ITIH3: variants seen among roughly 807,000 people sequenced by gnomAD.
ITIH3 encodes the protein inter-alpha-trypsin inhibitor heavy chain H3.
ITIH3 carries 81 observed loss-of-function variants against 96.5 expected under a neutral mutation model. The ratio of observed to expected loss-of-function variants is 0.84; its 90% CI spans 0.70 to 1.01. ITIH3 has a LOEUF of 1.01. Among genes scored for constraint, ITIH3 ranks in the 50% least tolerant of loss-of-function variants. The pLI is 0.00. For missense variants in ITIH3, 1,057 were observed against 1,139.3 expected, an observed-to-expected ratio of 0.93 and a Z score of 1.04; for synonymous variants, 422 against 445.2, an observed-to-expected ratio of 0.95 and a Z score of 0.66.
At position 52,799,923 on chromosome 3, in the gene ITIH3, T is replaced by C; in HGVS notation, c.1075+2T>C. On this transcript the variant is annotated splice_donor_variant, in intron 9 of 21. Coordinates refer to ENST00000449956, the MANE Select transcript of ITIH3 (RefSeq NM_002217.4). LOFTEE classifies it high-confidence loss of function. The stretch of plus-strand genomic sequence containing the variant: ...TGAAGAGCATGGAGGATAAAGGAAG[T>C]AAGAGCGGAGCTGGAGCCCACACAC... 6.2e-7 allele frequency: 1 copy of C among 1,612,990 alleles called. No homozygotes were observed. Among genetic ancestry groups the C allele is most frequent in the Non-Finnish European group, 8.5e-7 (1 of 1,179,492 alleles).
At chr3:52,800,728 A>G in intron 10 of ITIH3, 65 bp downstream of exon 10, 4 of 1,567,784 alleles carry the variant, frequency 2.6e-6, no homozygotes, top group Non-Finnish European at 3.5e-6. Context: ...CTGGCTCTGT[A>G]GCTGGCTCAT....
intron 15 of ITIH3, 135 bp from the exon 16 acceptor site, chr3:52,805,673 T>C: frequency 6.6e-7 from 1 of 1,511,540 alleles, no homozygotes; most frequent in South Asian, 1.3e-5. Flanking sequence ...CTAATCTTTG[T>C]AGTCACATCT....
intron 14 of ITIH3, 134 bp from the exon 15 acceptor site, chr3:52,804,592 G>T: frequency 1.1e-6 from 1 of 879,490 alleles, no homozygotes; most frequent in Non-Finnish European, 1.8e-6. Flanking sequence ...GGGACACCCA[G>T]TGGGGGAAGA....
In ITIH3 at chr3:52,799,285, G is replaced by A. The variant is rs561624249; in HGVS notation, c.790-87G>A. Reference sequence around the variant, plus strand: ...GATAGGAACGTCTTTTTCTTGGGCTGGTAAATGTCTGGCTTCTACCTGCAA... The same window carrying A: ...GATAGGAACGTCTTTTTCTTGGGCTAGTAAATGTCTGGCTTCTACCTGCAA... On this transcript the variant is annotated intron_variant, in intron 7 of 21. Transcript: ENST00000449956. 4.1e-6 allele frequency: 5 copies of A among 1,220,286 alleles called. No individual in the cohort carries two copies. In the African/African-American group the frequency reaches 7.6e-5, roughly 18 times the overall value. The allele number at this position is 1,220,286 out of a possible 1,614,324, so 75.6% of individuals were successfully genotyped here.
At chr3:52,802,005 C>CT (rs34200623) in intron 11 of ITIH3, among the ~76,000 whole-genome samples, 18,561 of 152,140 alleles carry the variant, frequency 0.12, 3,415 homozygotes, top group African/African-American at 0.4. Flanking sequence ...ATCTGCCTCT[C>CT]TTACTTCCTT....
chr3:52,807,739 T>A lies in ITIH3; in HGVS notation c.2262-8T>A. 6.2e-7 allele frequency: 1 copy of A among 1,605,458 alleles called. No homozygotes were observed. Among genetic ancestry groups the A allele is most frequent in the Non-Finnish European group, 8.5e-7 (1 of 1,175,906 alleles). On this transcript the variant is annotated splice_region_variant and splice_polypyrimidine_tract_variant and intron_variant, in intron 19 of 21. Coordinates refer to ENST00000449956, the MANE Select transcript of ITIH3 (RefSeq NM_002217.4). ...GCCCCACAGCCACTTTCTGGCTTCCTCTCGTAGGCTGTCCATGATGATCAA... is the reference window on the plus strand; with the variant it reads ...GCCCCACAGCCACTTTCTGGCTTCCACTCGTAGGCTGTCCATGATGATCAA...
chr3:52,807,998 G>T, intron 20 of ITIH3, 82 bp downstream of exon 20: 1 of 1,574,696 alleles, frequency 6.4e-7, no homozygotes, highest in Non-Finnish European at 8.7e-7. Flanking sequence ...TAGGCACCCT[G>T]TACCCAGCTC....
chr3:52,807,247 C>A, intron 19 of ITIH3, 142 bp downstream of exon 19: 1 of 787,330 alleles, frequency 1.3e-6, no homozygotes, highest in Non-Finnish European at 2.0e-6. Flanking sequence ...AGTCTCCTGT[C>A]ACAGGGGAGG....
chr3:52,807,113 C>A lies in ITIH3; in HGVS notation c.2261+8C>A. 2 of 1,579,666 alleles carry A rather than the reference C, an allele frequency of 1.3e-6. No homozygotes were observed. The highest frequency in any genetic ancestry group is 1.2e-5 in the South Asian group (1 of 85,934). ...CACAGTCACGCAGGATGGGTAAGCT[C>A]CCCTACAAGGTCTCCAAGGTGGACT... On this transcript the variant is annotated splice_region_variant and intron_variant, in intron 19 of 21. Transcript: ENST00000449956.
chr3:52,795,034 G>A lies in ITIH3; in HGVS notation c.93+138G>A, dbSNP rs1221400319. The A allele has an allele frequency of 1.7e-5, 12 of 714,364 alleles. No individual in the cohort carries two copies. In the East Asian group the frequency reaches 3.1e-4, roughly 19 times the overall value. The allele number at this position is 714,364 out of a possible 1,614,324, so 44.3% of individuals were successfully genotyped here. On this transcript the variant is annotated intron_variant, in intron 1 of 21. Transcript: ENST00000449956. ...GCTGCTGGGAGTAGTGTGGACACTGGGAGAACCGGGCTCCAGCTGAGGCCT... is the reference window on the plus strand; with the variant it reads ...GCTGCTGGGAGTAGTGTGGACACTGAGAGAACCGGGCTCCAGCTGAGGCCT...
intron 11 of ITIH3, among the ~76,000 whole-genome samples, chr3:52,801,452 T>C (rs2710335): frequency 0.12 from 18,572 of 152,228 alleles, 3,408 homozygotes; most frequent in African/African-American, 0.4. Flanking sequence ...TATTAGTGTA[T>C]GGCGGCTGCC....
At position 52,799,500 on chromosome 3, in the gene ITIH3, C is replaced by T. The variant is rs757217846; in HGVS notation, c.906+12C>T. 3 of 1,575,620 alleles carry T rather than the reference C, an allele frequency of 1.9e-6. No homozygotes were observed. Among genetic ancestry groups the T allele is most frequent in the South Asian group, 1.2e-5 (1 of 86,644 alleles). ...GGAAATTAGAGCAGGTAATCAGCAC[C>T]AGTGGCACAGCCAGGGCTCGGGGTA... On this transcript the variant is annotated intron_variant, in intron 8 of 21. Transcript: ENST00000449956.
intron 1 of ITIH3, 70 bp downstream of exon 1, chr3:52,794,966 G>T (rs1578749761): frequency 8.0e-7 from 1 of 1,255,958 alleles, no homozygotes; most frequent in East Asian, 2.3e-5. Flanking sequence ...GCTGGGCAAG[G>T]CCTCTGAGTG....
At chr3:52,805,643 AC>A in intron 15 of ITIH3, 164 bp from the exon 16 acceptor site, 1 of 1,444,222 alleles carries the variant, frequency 6.9e-7, no homozygotes, top group Non-Finnish European at 9.1e-7. Flanking sequence ...GCTTCCCTGG[AC>A]GTGCCCGATT....
chr3:52,797,653 A>T (rs911851775), intron 5 of ITIH3, among the ~76,000 whole-genome samples, 164 bp from the exon 6 acceptor site: 90 of 152,312 alleles, frequency 5.9e-4, no homozygotes, highest in African/African-American at 2.1e-3. Context: ...CTCTCCTCCA[A>T]GCCCCTGTGG....
chr3:52,808,480 A>G, intron 21 of ITIH3, 72 bp from the exon 22 acceptor site: 2 of 1,577,206 alleles, frequency 1.3e-6, no homozygotes, highest in Non-Finnish European at 1.7e-6. Flanking sequence ...ACCCTTTTTC[A>G]ATCTCAGGTC....
intron 13 of ITIH3, 70 bp downstream of exon 13, chr3:52,802,876 G>A (rs1475450625): frequency 1.7e-5 from 27 of 1,557,714 alleles, no homozygotes; most frequent in Admixed American, 1.1e-4. Flanking sequence ...ACCCCCATAC[G>A]CAGTCCCAGC....
At chr3:52,795,751 C>T in intron 2 of ITIH3, 128 bp downstream of exon 2, 1 of 873,032 alleles carries the variant, frequency 1.1e-6, no homozygotes, top group South Asian at 1.7e-5. Context: ...CGGCCCTCTG[C>T]CCTGGCAGCC....
chr3:52,795,042 G>A (rs763927280), intron 1 of ITIH3, 146 bp downstream of exon 1: 8 of 693,074 alleles, frequency 1.2e-5, no homozygotes, highest in African/African-American at 3.5e-5. Context: ...TGGGAGAACC[G>A]GGCTCCAGCT....
Sources: allele counts gnomAD v4.1 joint callset (sites outside exome capture counted in the v4.1 genomes callset), GRCh38; gene constraint gnomAD v4.1.1; transcripts MANE v1.5; gene names NCBI Gene and HGNC (gene_info 2026-07-23, HGNC 2026-07-21).